Variants in PHF11 observed in about 807,000 individuals in gnomAD.
PHF11 encodes PHD finger protein 11, also known as BRCA1 C-terminus-associated protein.
PHF11 carries 38 observed loss-of-function variants against 40.5 expected under a neutral mutation model. The ratio of observed to expected loss-of-function variants is 0.94; its 90% confidence interval spans 0.72 to 1.23. PHF11 has a LOEUF of 1.23. Ranked by LOEUF, PHF11 falls within the 50% of genes most tolerant of loss-of-function variation. PHF11 has a pLI of 0.00. For synonymous variants in PHF11, 127 were observed against 138.2 expected, an observed-to-expected ratio of 0.92 and a Z score of 0.57; for missense variants, 369 against 392.4, an observed-to-expected ratio of 0.94 and a Z score of 0.50.
Position 49,522,044 on chromosome 13 carries a change from TA to T in PHF11, c.510del (p.Lys170AsnfsTer5). On this transcript the variant is annotated frameshift_variant and splice_region_variant, in exon 6 of 10. Transcript: ENST00000378319. LOFTEE classifies it high-confidence loss of function. Reference protein sequence around the residue: ...AQFPIIAQSAKFSGVKRKRGR... With the variant: ...AQFPIIAQSAXFSGVKRKRGR... ...TTTTTAAATGGTTTATATTTTTAGC[TA>T]AATTTTCAGGAGTGAAAAGAAAAAG... The T allele has an allele frequency of 6.9e-7, 1 of 1,457,018 alleles. No individual in the cohort carries two copies. Among genetic ancestry groups the T allele is most frequent in the Non-Finnish European group, 9.6e-7 (1 of 1,039,056 alleles). 90.3% of individuals were successfully genotyped at this position (1,457,018 alleles called of 1,614,324 possible).
At chr13:49,512,017 C>T (rs979841974) in intron 2 of PHF11, among the ~76,000 whole-genome samples, 2 of 152,162 alleles carry the variant, frequency 1.3e-5, no homozygotes, top group African/African-American at 4.8e-5. Flanking sequence ...ACATTTCTAC[C>T]AATAATATGT....
At chr13:49,504,862 C>T (rs1294830088) in intron 1 of PHF11, among the ~76,000 whole-genome samples, 1 of 150,656 alleles carries the variant, frequency 6.6e-6, no homozygotes, top group Non-Finnish European at 1.5e-5. Context: ...TCATTTTGTT[C>T]TGTACTAAGA....
In PHF11 at chr13:49,522,060, A is replaced by T. The variant is rs1251023506; in HGVS notation, c.523A>T (p.Lys175Ter). 5.2e-6 allele frequency: 8 copies of T among 1,541,218 alleles called. No homozygotes were observed. Among genetic ancestry groups the T allele is most frequent in the Non-Finnish European group, 7.2e-6 (8 of 1,115,670 alleles). Residue 175 changes from lysine (K) to a stop codon, truncating the protein, a stop_gained, in exon 6 of 10, where the codon AAA becomes TAA. Transcript: ENST00000378319. LOFTEE classifies it high-confidence loss of function. ...ATTTTTAGCTAAATTTTCAGGAGTG[A>T]AAAGAAAAAGAGGAAGGAAGAAACC... Reference protein sequence around the residue: ...IAQSAKFSGVKRKRGRKKPLS... With the variant: ...IAQSAKFSGV
chr13:49,501,983 G>A (rs1055753015), intron 1 of PHF11, among the ~76,000 whole-genome samples: 15 of 151,748 alleles, frequency 9.9e-5, no homozygotes, highest in Non-Finnish European at 1.9e-4. Flanking sequence ...GAGCCACCGC[G>A]CCCGGCCAAT....
At position 49,496,074 on chromosome 13, in the gene PHF11, G is replaced by A; in HGVS notation, c.73G>A (p.Glu25Lys). Residue 25 changes from glutamate to lysine, a missense_variant, in exon 1 of 10, where the codon GAG becomes AAG. By Grantham distance (56) the Glu-to-Lys change is moderately conservative. Transcript: ENST00000378319. ...CAGCCCGGAGGCCCGGCCCGCGCAG[G>A]AGGCGCTCCTCCTTCCCACCGGTGT... ...ASSPEARPAQEALLLPTGVFQ... is the reference protein window; with the variant it reads ...ASSPEARPAQKALLLPTGVFQ... The A allele has an allele frequency of 7.0e-7, 1 of 1,438,248 alleles. No individual in the cohort carries two copies. Among genetic ancestry groups the A allele is most frequent in the Non-Finnish European group, 9.1e-7 (1 of 1,103,104 alleles). 89.1% of individuals were successfully genotyped at this position (1,438,248 alleles called of 1,614,324 possible). A position where few individuals can be genotyped will look rare whatever the true frequency, so the allele number is the denominator to read the frequency against.
At chr13:49,507,890 A>G (rs1433309083) in intron 2 of PHF11, among the ~76,000 whole-genome samples, 2 of 152,114 alleles carry the variant, frequency 1.3e-5, no homozygotes, top group East Asian at 3.8e-4. Context: ...GGTTCCTGGA[A>G]CCAATCCCCT....
At chr13:49,505,992 T>C (rs1447372291) in intron 1 of PHF11, among the ~76,000 whole-genome samples, 2 of 152,210 alleles carry the variant, frequency 1.3e-5, no homozygotes, top group African/African-American at 4.8e-5. Flanking sequence ...TGTTTTCTTC[T>C]TCATTTGTAG....
chr13:49,500,037 A>G (rs1958878569), intron 1 of PHF11, among the ~76,000 whole-genome samples: 1 of 152,204 alleles, frequency 6.6e-6, no homozygotes, highest in Non-Finnish European at 1.5e-5. Context: ...CACATTGAAG[A>G]GGGCCTGCAG....
At chr13:49,498,614 A>G (rs968339749) in intron 1 of PHF11, among the ~76,000 whole-genome samples, 1 of 152,084 alleles carries the variant, frequency 6.6e-6, no homozygotes, top group African/African-American at 2.4e-5. Flanking sequence ...TGACAGTAGC[A>G]TAGTGCATTT....
In PHF11 at chr13:49,506,683, GC is replaced by G. The variant is rs758015137; in HGVS notation, c.147del (p.Asp51MetfsTer15). 6.2e-7 allele frequency: 1 copy of G among 1,609,576 alleles called. No homozygotes were observed. Among genetic ancestry groups the G allele is most frequent in the Non-Finnish European group, 8.5e-7 (1 of 1,176,076 alleles). On this transcript the variant is annotated frameshift_variant, in exon 2 of 10. Coordinates refer to ENST00000378319, the MANE Select transcript of PHF11 (RefSeq NM_001040443.3). LOFTEE classifies it high-confidence loss of function. ...EKMEKRTCALCPKDVEYNVLY... is the reference protein window; with the variant it reads ...EKMEKRTCALXPKDVEYNVLY... ...ATGGAAAAAAGGACATGTGCACTCT[GC>G]CCCAAAGATGTCGAATATAATGTCC...
At chr13:49,504,880 T>G (rs1043705482) in intron 1 of PHF11, among the ~76,000 whole-genome samples, 1 of 150,334 alleles carries the variant, frequency 6.7e-6, no homozygotes, top group African/African-American at 2.4e-5. Flanking sequence ...AGAAAAATTC[T>G]TCTGCCTTGG....
intron 3 of PHF11, among the ~76,000 whole-genome samples, chr13:49,517,543 AATGG>A: frequency 6.6e-6 from 1 of 152,150 alleles, no homozygotes; most frequent in Non-Finnish European, 1.5e-5. Flanking sequence ...CATTATCCTC[AATGG>A]CAACTCTGTA....
At chr13:49,524,724 C>A (rs1207650061) in intron 8 of PHF11, among the ~76,000 whole-genome samples, 1 of 152,160 alleles carries the variant, frequency 6.6e-6, no homozygotes, top group Non-Finnish European at 1.5e-5. Context: ...GATCCGTCCA[C>A]CTCGGCCTCC....
intron 7 of PHF11, 177 bp downstream of exon 7, chr13:49,523,418 A>G (rs1444559288): frequency 5.0e-6 from 3 of 602,496 alleles, no homozygotes; most frequent in Non-Finnish European, 8.9e-6. Context: ...GCATATCAAG[A>G]TAACTTAGGT....
chr13:49,501,612 A>AAT (rs1482906630), intron 1 of PHF11, among the ~76,000 whole-genome samples: 1 of 152,224 alleles, frequency 6.6e-6, no homozygotes, highest in Non-Finnish European at 1.5e-5. Flanking sequence ...AACCATTATG[A>AAT]ATATAAGTTA....
chr13:49,504,498 C>T (rs1203620143), intron 1 of PHF11, among the ~76,000 whole-genome samples: 1 of 64,262 alleles, frequency 1.6e-5, no homozygotes, highest in African/African-American at 3.9e-5. Flanking sequence ...CCAGCCGCCC[C>T]GTCCGGGAGG....
At chr13:49,501,021 T>TTTTTTTTTTTTTG (rs1958899303) in intron 1 of PHF11, among the ~76,000 whole-genome samples, 1 of 146,162 alleles carries the variant, frequency 6.8e-6, no homozygotes, top group East Asian at 2.0e-4. Context: ...TTTTTGGTTT[T>TTTTTTTTTTTTTG]TTTTTTTCTG....
chr13:49,505,052 C>T (rs1019331408), intron 1 of PHF11, among the ~76,000 whole-genome samples: 1 of 149,232 alleles, frequency 6.7e-6, no homozygotes, highest in Non-Finnish European at 1.5e-5. Flanking sequence ...TCCCCAATCT[C>T]AAGTACCCAG....
chr13:49,505,586 A>T (rs1958976591), intron 1 of PHF11, among the ~76,000 whole-genome samples: 2 of 152,248 alleles, frequency 1.3e-5, no homozygotes. Context: ...CAAAGGAAGT[A>T]AGAGGATGAA....
Sources: allele counts gnomAD v4.1 joint callset (sites outside exome capture counted in the v4.1 genomes callset), GRCh38; gene constraint gnomAD v4.1.1; transcripts MANE v1.5; gene names NCBI Gene and HGNC (gene_info 2026-07-23, HGNC 2026-07-21).